ITPR2: variants seen among roughly 807,000 people sequenced by gnomAD.
The protein encoded by ITPR2 is inositol 1,4,5-trisphosphate receptor type 2.
ITPR2 carries 207 observed loss-of-function variants against 317.1 expected under a neutral mutation model. The ratio of observed to expected loss-of-function variants is 0.65; its 90% CI spans 0.58 to 0.73. The LOEUF is 0.73. ITPR2 is among the 30% of genes least tolerant of loss of function. The pLI is 0.00. For synonymous variants in ITPR2, 1,156 were observed against 1,149.1 expected (o/e 1.01, Z -0.12); for missense variants, 2,613 against 3,284.0 (o/e 0.80, Z 4.99).
intron 37 of ITPR2, among the ~76,000 whole-genome samples, chr12:26,542,376 T>A (rs747349109): frequency 2.0e-5 from 3 of 152,202 alleles, no homozygotes; most frequent in Non-Finnish European, 4.4e-5. Flanking sequence ...AACATGCCAA[T>A]GAAGTGTGTG....
In ITPR2 at chr12:26,682,657, A is replaced by C. The variant is rs776592392; in HGVS notation, c.1165T>G (p.Leu389Val). 1 of 1,612,040 alleles carries C rather than the reference A, an allele frequency of 6.2e-7. No individual in the cohort carries two copies. Among genetic ancestry groups the C allele is most frequent in the South Asian group, 1.1e-5 (1 of 90,886 alleles). Residue 389 changes from leucine (L) to valine (V), a missense_variant, in exon 12 of 57, where the codon TTA becomes GTA. Physicochemically the swap from Leu to Val is conservative, Grantham distance 32. This residue lies in a region of ITPR2 where 515 missense variants were observed against 789.4 expected (regional missense o/e 0.65). Coordinates refer to ENST00000381340, the MANE Select transcript of ITPR2 (RefSeq NM_002223.4). ...CLVPRNSYVRLRHLCTNTWVT... is the reference protein window; with the variant it reads ...CLVPRNSYVRVRHLCTNTWVT... ...CATGTGTTGGTGCATAAATGCCTTA[A>C]CCGAACATATGAGTTCCTAAAAGCA...
At chr12:26,665,225 C>A (rs1462104230) in intron 14 of ITPR2, among the ~76,000 whole-genome samples, 2 of 152,156 alleles carry the variant, frequency 1.3e-5, no homozygotes, top group Non-Finnish European at 2.9e-5. Context: ...GCCCTACTTT[C>A]CCAGGGAAGA....
intron 45 of ITPR2, among the ~76,000 whole-genome samples, chr12:26,449,533 A>G (rs1032096719): frequency 1.3e-5 from 2 of 152,216 alleles, no homozygotes; most frequent in Non-Finnish European, 2.9e-5. Context: ...TAAAACAATG[A>G]TAGACATGTA....
intron 45 of ITPR2, among the ~76,000 whole-genome samples, chr12:26,444,279 A>T (rs1175220808): frequency 1.3e-5 from 2 of 152,260 alleles, no homozygotes; most frequent in Admixed American, 1.3e-4. Context: ...TGTCTACAGC[A>T]TGTGTTGGCT....
chr12:26,796,893 TG>T (rs1293108015), intron 1 of ITPR2, among the ~76,000 whole-genome samples: 3 of 151,468 alleles, frequency 2.0e-5, no homozygotes, highest in Admixed American at 6.6e-5. Context: ...AACAATCAGC[TG>T]GGCATGGTGG....
At chr12:26,395,267 GA>G (rs1365205280) in intron 54 of ITPR2, among the ~76,000 whole-genome samples, 1 of 152,096 alleles carries the variant, frequency 6.6e-6, no homozygotes, top group Non-Finnish European at 1.5e-5. Context: ...AGCAGAGGGA[GA>G]ATAAAAGGTC....
rs190934153 is a variant in ITPR2 at position 26,738,146 on chromosome 12, T to C, written c.164-12381A>G. ...TAGAAAACTTTGAGACCAGTATTAC[T>C]ATTGTTCCCATGTTACAGATCATGA... On this transcript the variant is annotated intron_variant, in intron 2 of 56. Transcript: ENST00000381340. 9.2e-5 allele frequency among the ~76,000 whole-genome samples: 14 copies of C among 152,290 alleles called. No individual in the cohort carries two copies. The East Asian group carries it at 2.7e-3, about 29-fold the overall frequency.
intron 26 of ITPR2, among the ~76,000 whole-genome samples, chr12:26,615,967 A>T (rs1276026106): frequency 6.6e-6 from 1 of 152,118 alleles, no homozygotes; most frequent in Non-Finnish European, 1.5e-5. Flanking sequence ...CACAATGGAC[A>T]ATTACAAAAC....
At chr12:26,567,962 ATATAT>A (rs1945025732) in intron 34 of ITPR2, among the ~76,000 whole-genome samples, 1 of 24,848 alleles carries the variant, frequency 4.0e-5, no homozygotes, top group Non-Finnish European at 9.2e-5. Context: ...ATATATATAT[ATATAT>A]ATTATATATA....
At chr12:26,635,944 G>C (rs1193006665) in intron 21 of ITPR2, among the ~76,000 whole-genome samples, 1 of 152,150 alleles carries the variant, frequency 6.6e-6, no homozygotes, top group Non-Finnish European at 1.5e-5. Flanking sequence ...CAGAGCAGTA[G>C]GTAATATGGT....
At chr12:26,668,911 G>T (rs528264416) in intron 13 of ITPR2, among the ~76,000 whole-genome samples, 2 of 152,014 alleles carry the variant, frequency 1.3e-5, no homozygotes, top group African/African-American at 4.8e-5. Context: ...GCTTGAGCCC[G>T]AGTTCAAAAT....
intron 2 of ITPR2, among the ~76,000 whole-genome samples, chr12:26,764,258 A>G (rs1949682593): frequency 6.6e-6 from 1 of 152,118 alleles, no homozygotes; most frequent in South Asian, 2.1e-4. Flanking sequence ...CCTAGAAAAT[A>G]ACATAGGAAA....
chr12:26,796,466 T>C (rs111712616), intron 1 of ITPR2, among the ~76,000 whole-genome samples: 2,335 of 152,280 alleles, frequency 0.015, 60 homozygotes, highest in African/African-American at 0.054. Context: ...GAAATGTTAG[T>C]AAGGTTTTGA....
At chr12:26,715,088 G>GA (rs1010411667) in intron 8 of ITPR2, among the ~76,000 whole-genome samples, 4 of 152,130 alleles carry the variant, frequency 2.6e-5, no homozygotes, top group African/African-American at 9.6e-5. Flanking sequence ...AGGAGAGAGA[G>GA]AAAATGAGAG....
chr12:26,560,870 GA>G (rs577292607), intron 35 of ITPR2, among the ~76,000 whole-genome samples: 1 of 151,748 alleles, frequency 6.6e-6, no homozygotes, highest in Non-Finnish European at 1.5e-5. Flanking sequence ...CCATTTTGTA[GA>G]AAAAAAACTT....
At position 26,364,278 on chromosome 12, in the gene ITPR2, G is replaced by A. The variant is rs138882353; in HGVS notation, c.7857+23156C>T. On this transcript the variant is annotated intron_variant, in intron 55 of 56. Transcript: ENST00000381340. Reference sequence around the variant, plus strand: ...AGGCAGACTATATTATTTATCAATCGTATTGATGGCTTGTGTGTTAGAATG... The same window carrying A: ...AGGCAGACTATATTATTTATCAATCATATTGATGGCTTGTGTGTTAGAATG... Among the ~76,000 whole-genome samples the A allele has an allele frequency of 1.1e-4, 16 of 152,186 alleles. No individual in the cohort carries two copies. In the East Asian group the frequency reaches 2.7e-3, roughly 26 times the overall value.
intron 45 of ITPR2, among the ~76,000 whole-genome samples, chr12:26,470,000 A>C (rs968263187): frequency 6.6e-6 from 1 of 152,230 alleles, no homozygotes; most frequent in East Asian, 1.9e-4. Context: ...AGTCAGCGGA[A>C]GTGAGTAATG....
chr12:26,417,347 C>T (rs1249405352), intron 50 of ITPR2, among the ~76,000 whole-genome samples: 1 of 152,088 alleles, frequency 6.6e-6, no homozygotes, highest in Non-Finnish European at 1.5e-5. Flanking sequence ...ATGTGTACAT[C>T]ATTTCACATG....
chr12:26,416,944 C>T (rs958662157), intron 50 of ITPR2, among the ~76,000 whole-genome samples: 13 of 152,112 alleles, frequency 8.5e-5, no homozygotes, highest in Non-Finnish European at 1.5e-5. Flanking sequence ...GCTAAAAATG[C>T]ATATGCCTGG....
Sources: gnomAD v4.1 joint callset for allele counts (sites outside exome capture counted in the v4.1 genomes callset) on GRCh38, gnomAD v4.1.1 for gene constraint, gnomAD v4.1.1 regional missense constraint, MANE v1.5 for transcripts, NCBI Gene and HGNC (gene_info 2026-07-23, HGNC 2026-07-21) for gene names.